The following VSX1 variants were observed in gnomAD, a reference collection of about 807,000 sequenced individuals.
The protein encoded by VSX1 is visual system homeobox 1.
A neutral mutation model predicts 23.6 loss-of-function variants in VSX1; 23 were observed. That is an observed-to-expected ratio of 0.97 (90% confidence interval 0.70 to 1.38). VSX1 has a LOEUF of 1.38. Among genes scored for constraint, VSX1 ranks in the 40% most tolerant of loss-of-function variants. VSX1 has a pLI of 0.00. For missense variants in VSX1, 517 were observed against 495.4 expected, an observed-to-expected ratio of 1.04 and a Z score of -0.41; for synonymous variants, 247 against 215.1, an observed-to-expected ratio of 1.15 and a Z score of -1.30.
intron 2 of VSX1, among the ~76,000 whole-genome samples, 172 bp from the exon 3 acceptor site, chr20:25,079,124 C>T (rs2089582337): frequency 6.6e-6 from 1 of 152,192 alleles, no homozygotes; most frequent in Non-Finnish European, 1.5e-5. Flanking sequence ...AAATTTGATT[C>T]AAACGAAAAC....
intron 4 of VSX1, among the ~76,000 whole-genome samples, chr20:25,076,814 C>G (rs557650830): frequency 6.6e-5 from 10 of 152,276 alleles, no homozygotes; most frequent in Admixed American, 3.3e-4. Flanking sequence ...GCTGCGGTCT[C>G]GCAGATGCCA....
downstream of VSX1, chr20:25,071,575 A>C (rs1299440896): frequency 2.1e-6 from 1 of 476,692 alleles, no homozygotes; most frequent in Non-Finnish European, 4.1e-6. Flanking sequence ...TCAACAGATA[A>C]TCTTGAGTAG....
At chr20:25,078,771 G>A (rs896238149) in intron 3 of VSX1, 58 bp downstream of exon 3, 1 of 1,614,184 alleles carries the variant, frequency 6.2e-7, no homozygotes, top group Non-Finnish European at 8.5e-7. Flanking sequence ...CTCACTGAAT[G>A]TGGGAATGAC....
downstream of VSX1, among the ~76,000 whole-genome samples, chr20:25,075,011 G>T (rs2089457173): frequency 6.6e-6 from 1 of 152,178 alleles, no homozygotes. Context: ...ATTTTCTGTT[G>T]CTACAGAAAG....
In VSX1 at chr20:25,076,102, C is replaced by T. The variant is rs747213856; in HGVS notation, c.*159G>A. On this transcript the variant is annotated 3_prime_UTR_variant, in exon 5 of 5. Coordinates refer to ENST00000376709, the MANE Select transcript of VSX1 (RefSeq NM_014588.6). ...ATGAAATAGAATTTTCCCTAGGTCA[C>T]TCATCTGTCCTCTTAAAGCAAGTGG... 1.0e-5 allele frequency: 10 copies of T among 977,860 alleles called. No homozygotes were observed. The highest frequency in any genetic ancestry group is 1.5e-5 in the Non-Finnish European group (10 of 654,138). The allele number at this position is 977,860 out of a possible 1,614,324, so 60.6% of individuals were successfully genotyped here.
chr20:25,073,983 G>A (rs943085896), downstream of VSX1, among the ~76,000 whole-genome samples: 1 of 152,088 alleles, frequency 6.6e-6, no homozygotes, highest in African/African-American at 2.4e-5. Context: ...TTCTTCTTGA[G>A]TTGTTGTTGC....
chr20:25,082,023 C>T lies in VSX1; in HGVS notation c.74G>A (p.Gly25Asp). Residue 25 changes from glycine (G) to aspartate (D), a missense_variant, in exon 1 of 5, where the codon GGC becomes GAC. Transcript: ENST00000376709. Reference sequence around the variant, plus strand: ...GATGGCGAAGCCCCGGGGGCGCGAGCCCCTAGGGGAACCGCCAGGCACCAG... The same window carrying T: ...GATGGCGAAGCCCCGGGGGCGCGAGTCCCTAGGGGAACCGCCAGGCACCAG... ...RALVPGGSPR[G>D]SRPRGFAITD... The T allele has an allele frequency of 6.5e-7, 1 of 1,536,236 alleles. No individual in the cohort carries two copies.
At chr20:25,078,794 G>A in intron 3 of VSX1, 35 bp downstream of exon 3, 1 of 1,614,152 alleles carries the variant, frequency 6.2e-7, no homozygotes, top group Non-Finnish European at 8.5e-7. Flanking sequence ...GTTCTCTGTG[G>A]TATCTTTGGA....
Position 25,079,450 on chromosome 20 carries a change from C to T in VSX1, c.489G>A (p.Lys163=). 2 of 1,612,606 alleles carry T rather than the reference C, an allele frequency of 1.2e-6. No homozygotes were observed. The highest frequency in any genetic ancestry group is 8.5e-7 in the Non-Finnish European group (1 of 1,179,708). The part of the protein sequence containing the change: ...LKASPTLGKR[K]KRRHRTVFTA... ...TGGCCCTATACCTGTGCCGCCGCTT[C>T]TTCCTCTTGCCCAAGGTGGGGGATG... Residue 163 remains lysine (K), a synonymous_variant, in exon 2 of 5, where the codon AAG becomes AAA. Transcript: ENST00000376709.
chr20:25,072,710 A>G (rs1482268983), downstream of VSX1: 3 of 470,424 alleles, frequency 6.4e-6, no homozygotes, highest in African/African-American at 2.0e-5. Flanking sequence ...TTGTGTTTTC[A>G]TATATTGTTT....
chr20:25,071,491 T>C (rs2089377110), downstream of VSX1: 1 of 453,834 alleles, frequency 2.2e-6, no homozygotes, highest in Non-Finnish European at 4.4e-6. Flanking sequence ...GTCTTTTTTT[T>C]TTTTCTTCAA....
chr20:25,082,005 A>G lies in VSX1; in HGVS notation c.92T>C (p.Phe31Ser). 1 of 1,534,612 alleles carries G rather than the reference A, an allele frequency of 6.5e-7. No individual in the cohort carries two copies. The highest frequency in any genetic ancestry group is 8.7e-7 in the Non-Finnish European group (1 of 1,146,748). ...GSPRGSRPRG[F>S]AITDLLGLEA... ...CAAGCCCAGCAGGTCCGTGATGGCGAAGCCCCGGGGGCGCGAGCCCCTAGG... is the reference window on the plus strand; with the variant it reads ...CAAGCCCAGCAGGTCCGTGATGGCGGAGCCCCGGGGGCGCGAGCCCCTAGG... Residue 31 changes from phenylalanine to serine, a missense_variant, in exon 1 of 5, where the codon TTC (phenylalanine) becomes TCC (serine). Coordinates refer to ENST00000376709, the MANE Select transcript of VSX1 (RefSeq NM_014588.6).
chr20:25,075,417 G>T (rs550621596), downstream of VSX1: 1 of 152,364 alleles, frequency 6.6e-6, no homozygotes, highest in Non-Finnish European at 1.5e-5. Flanking sequence ...TGGGATCAGA[G>T]ATAGTGGAGA....
chr20:25,070,987 T>A (rs1247202005), downstream of VSX1: 1 of 453,868 alleles, frequency 2.2e-6, no homozygotes, highest in Non-Finnish European at 4.4e-6. Flanking sequence ...AAAAAAAGTC[T>A]TAAAATGTCA....
rs1217439919 is a variant in VSX1, at chr20:25,076,415, A to G, written c.944T>C (p.Val315Ala). The part of the protein sequence containing the change: ...ESGSQRGSDK[V>A]SPENGLEDVA... ...ATCTTCCAAGCCATTCTCAGGGCTC[A>G]CTTTATCTGAGCCTCTCTGTGATCC... Residue 315 changes from valine (V) to alanine (A), a missense_variant, in exon 5 of 5, where the codon GTG becomes GCG. Val to Ala is a moderately conservative substitution (Grantham distance 64, BLOSUM62 0). Transcript: ENST00000376709. The G allele has an allele frequency of 6.2e-7, 1 of 1,613,984 alleles. No individual in the cohort carries two copies. The highest frequency in any genetic ancestry group is 8.5e-7 in the Non-Finnish European group (1 of 1,180,036).
Position 25,081,924 on chromosome 20 carries a change from G to C in VSX1, c.173C>G (p.Pro58Arg). 6.5e-7 allele frequency: 1 copy of C among 1,530,740 alleles called. No individual in the cohort carries two copies. Among genetic ancestry groups the C allele is most frequent in the Non-Finnish European group, 8.7e-7 (1 of 1,145,034 alleles). The allele number at this position is 1,530,740 out of a possible 1,614,324, so 94.8% of individuals were successfully genotyped here. A position where few individuals can be genotyped will look rare whatever the true frequency, so the allele number is the denominator to read the frequency against. Residue 58 changes from proline to arginine, a missense_variant, in exon 1 of 5, where the codon CCG (proline) becomes CGG (arginine). By Grantham distance (103) the Pro-to-Arg change is moderately radical. Transcript: ENST00000376709. Reference sequence around the variant, plus strand: ...CGGGCCCGGGCACGGCGCGACTGCCGGACCCTCGCAGCCAGATCCCTGTCC... The same window carrying C: ...CGGGCCCGGGCACGGCGCGACTGCCCGACCCTCGCAGCCAGATCCCTGTCC... Reference protein sequence around the residue: ...GPGQGSGCEGPAVAPCPGPGL... With the variant: ...GPGQGSGCEGRAVAPCPGPGL...
At chr20:25,070,894 A>G, downstream of VSX1, 1 of 403,590 alleles carries the variant, frequency 2.5e-6, no homozygotes, top group South Asian at 1.9e-5. Context: ...ATTTTTGTCA[A>G]TTAAAATTTA....
intron 1 of VSX1, 90 bp from the exon 2 acceptor site, chr20:25,079,604 C>T (rs1044149530): frequency 2.2e-6 from 3 of 1,377,648 alleles, no homozygotes; most frequent in Non-Finnish European, 3.0e-6. Context: ...AGTTATGAAC[C>T]TCTTGGGTAC....
intron 3 of VSX1, 122 bp downstream of exon 3, chr20:25,078,707 T>A: frequency 6.2e-7 from 1 of 1,611,502 alleles, no homozygotes; most frequent in Non-Finnish European, 8.5e-7. Context: ...TAAGGGACCC[T>A]CAGTTTCTAT....
Sources: gnomAD v4.1 joint callset for allele counts (sites outside exome capture counted in the v4.1 genomes callset) on GRCh38, gnomAD v4.1.1 for gene constraint, MANE v1.5 for transcripts, NCBI Gene and HGNC (gene_info 2026-07-23, HGNC 2026-07-21) for gene names.